MTA3: variants seen among roughly 807,000 people sequenced by gnomAD.
MTA3 encodes the protein metastasis-associated protein MTA3.
Under a neutral mutation model 83.5 loss-of-function variants are expected in MTA3, and 34 were observed. The ratio of observed to expected loss-of-function variants is 0.41; its 90% CI spans 0.31 to 0.54. The LOEUF is 0.54. Ranked by LOEUF, MTA3 falls within the 20% of genes least tolerant of loss-of-function variation. The pLI is 0.33. For missense variants in MTA3, 761 were observed against 726.4 expected, an observed-to-expected ratio of 1.05 and a Z score of -0.55; for synonymous variants, 303 against 252.7, an observed-to-expected ratio of 1.20 and a Z score of -1.89.
intron 3 of MTA3, among the ~76,000 whole-genome samples, chr2:42,605,902 C>T (rs1376746378): frequency 1.1e-4 from 11 of 104,456 alleles, no homozygotes; most frequent in East Asian, 9.2e-4. Flanking sequence ...TCCTCACTTC[C>T]CAGTAGGGGC....
rs371329740 is a variant in MTA3, at chr2:42,716,973, C to CCT, written c.1526-2014_1526-2013dup. The stretch of plus-strand genomic sequence containing the variant: ...GTATAGCATTTCTTTTTCTCTTCAA[C>CCT]CTGTTTTCTCTGCCAGCATCTGTTA... On this transcript the variant is annotated intron_variant, in intron 14 of 16. Coordinates refer to ENST00000405094, the MANE Select transcript of MTA3 (RefSeq NM_001330442.2). Among the ~76,000 whole-genome samples the CCT allele has an allele frequency of 3.9e-3, 592 of 152,234 alleles. 4 individuals carry two copies. The highest frequency in any genetic ancestry group is 0.013 in the African/African-American group (526 of 41,540).
At chr2:42,634,103 G>A (rs963981284) in intron 4 of MTA3, among the ~76,000 whole-genome samples, 2 of 152,066 alleles carry the variant, frequency 1.3e-5, no homozygotes, top group African/African-American at 4.8e-5. Flanking sequence ...AGAGGCCAGG[G>A]ATGCTGCTCA....
At position 42,708,929 on chromosome 2, in the gene MTA3, G is replaced by A. The variant is rs749519476; in HGVS notation, c.1358G>A (p.Arg453Gln). The change falls in exon 14 of 17, where the codon CGA (arginine) becomes CAA (glutamine). Residue 453 changes from arginine to glutamine, a missense_variant. Arg to Gln is a conservative substitution (Grantham distance 43, BLOSUM62 1). Transcript: ENST00000405094. ...SRQAMQGMPV[R>Q]NTGSPKSAVK... ...CAGGCCATGCAGGGAATGCCAGTCC[G>A]AAACACTGGGAGTCCAAAGTCTGCA... 18 of 1,613,980 alleles carry A rather than the reference G, an allele frequency of 1.1e-5. No individual in the cohort carries two copies. Among genetic ancestry groups the A allele is most frequent in the East Asian group, 8.9e-5 (4 of 44,872 alleles).
At chr2:42,558,701 C>T (rs1313951005) in intron 2 of MTA3, among the ~76,000 whole-genome samples, 1 of 151,478 alleles carries the variant, frequency 6.6e-6, no homozygotes. Context: ...GCACACGCTG[C>T]CACGCCCCGC....
intron 16 of MTA3, among the ~76,000 whole-genome samples, chr2:42,730,952 G>A (rs1450991551): frequency 1.3e-5 from 2 of 152,070 alleles, no homozygotes; most frequent in Non-Finnish European, 2.9e-5. Flanking sequence ...TATGTGTCTA[G>A]GAATGTATCC....
At chr2:42,528,067 G>T (rs1169009511) in intron 2 of MTA3, among the ~76,000 whole-genome samples, 1 of 152,106 alleles carries the variant, frequency 6.6e-6, no homozygotes, top group Non-Finnish European at 1.5e-5. Flanking sequence ...TGGGACTACA[G>T]GCACGTGCCA....
At chr2:42,714,716 C>G (rs1666900599) in intron 14 of MTA3, among the ~76,000 whole-genome samples, 1 of 152,152 alleles carries the variant, frequency 6.6e-6, no homozygotes, top group Non-Finnish European at 1.5e-5. Flanking sequence ...TTTTCATGAA[C>G]TGGGTGGTGT....
chr2:42,558,394 G>A (rs1677500462), intron 2 of MTA3, among the ~76,000 whole-genome samples: 1 of 150,644 alleles, frequency 6.6e-6, no homozygotes, highest in Admixed American at 6.6e-5. Context: ...GGGACTAAAG[G>A]CATGTGCCAC....
intron 16 of MTA3, among the ~76,000 whole-genome samples, chr2:42,747,685 T>C (rs919106424): frequency 2.0e-5 from 3 of 151,894 alleles, no homozygotes; most frequent in African/African-American, 7.2e-5. Flanking sequence ...AAACAGAATC[T>C]CTCTCTTTGA....
At chr2:42,600,229 TTGTGG>T (rs1351929689) in intron 3 of MTA3, among the ~76,000 whole-genome samples, 1 of 151,946 alleles carries the variant, frequency 6.6e-6, no homozygotes, top group Non-Finnish European at 1.5e-5. Context: ...AAAAACTTGC[TTGTGG>T]TTGTCTGTCT....
chr2:42,685,492 C>A (rs1009379827), intron 9 of MTA3, among the ~76,000 whole-genome samples: 1 of 152,200 alleles, frequency 6.6e-6, no homozygotes, highest in Non-Finnish European at 1.5e-5. Flanking sequence ...TAACACTCTA[C>A]CTGTGGCTCC....
At chr2:42,666,115 A>C (rs1690209096) in intron 8 of MTA3, among the ~76,000 whole-genome samples, 2 of 152,112 alleles carry the variant, frequency 1.3e-5, no homozygotes, top group South Asian at 4.1e-4. Flanking sequence ...GTCTCTACTA[A>C]AAATACAAAA....
At chr2:42,739,720 C>G (rs529918652) in intron 16 of MTA3, among the ~76,000 whole-genome samples, 1 of 152,320 alleles carries the variant, frequency 6.6e-6, no homozygotes, top group African/African-American at 2.4e-5. Flanking sequence ...AGAGTCAATC[C>G]TCTCAAACTC....
chr2:42,515,909 C>T (rs1350270669), intron 2 of MTA3, among the ~76,000 whole-genome samples: 8 of 149,120 alleles, frequency 5.4e-5, no homozygotes, highest in Non-Finnish European at 5.9e-5. Context: ...GGTGCGATCT[C>T]GGCTCACTGC....
chr2:42,640,077 C>A, intron 4 of MTA3, 96 bp from the exon 5 acceptor site: 1 of 874,126 alleles, frequency 1.1e-6, no homozygotes, highest in East Asian at 2.7e-5. Context: ...CATGTAGTTT[C>A]TTAATACCAG....
rs1254695040 is a variant in MTA3, at chr2:42,723,032, G to A, written c.1756G>A (p.Asp586Asn). ...AAACTACAGTCATCACAATGGTCTG[G>A]ATGGTATGTAAGCCCAGGAATTCTG... Reference protein sequence around the residue: ...KRNYSHHNGLDELTCCVSD With the variant: ...KRNYSHHNGLNELTCCVSD The change falls in exon 16 of 17, where the codon GAT (aspartate) becomes AAT (asparagine). Residue 586 changes from aspartate to asparagine, a missense_variant. Asp to Asn is a conservative substitution (Grantham distance 23, BLOSUM62 1). Coordinates refer to ENST00000405094, the MANE Select transcript of MTA3 (RefSeq NM_001330442.2). 15 of 1,550,560 alleles carry A rather than the reference G, an allele frequency of 9.7e-6. No homozygotes were observed. In the South Asian group the frequency reaches 1.8e-4, roughly 18 times the overall value.
chr2:42,662,075 C>T (rs147851827), intron 8 of MTA3, among the ~76,000 whole-genome samples: 202 of 152,142 alleles, frequency 1.3e-3, no homozygotes, highest in Middle Eastern at 6.8e-3. Context: ...GCCATTTGCC[C>T]ATTATTGAGA....
intron 14 of MTA3, chr2:42,712,806 G>A (rs1004603348): frequency 6.6e-6 from 1 of 151,906 alleles, no homozygotes; most frequent in African/African-American, 2.4e-5. Context: ...ATGGCCCTGA[G>A]CAAGGATGAC....
intron 3 of MTA3, among the ~76,000 whole-genome samples, chr2:42,599,484 G>A (rs1251702423): frequency 6.6e-6 from 1 of 152,010 alleles, no homozygotes; most frequent in Non-Finnish European, 1.5e-5. Context: ...CAGCTACTCA[G>A]GAGGGTGAGG....
Sources: gnomAD v4.1 joint callset for allele counts (sites outside exome capture counted in the v4.1 genomes callset) on GRCh38, gnomAD v4.1.1 for gene constraint, MANE v1.5 for transcripts, NCBI Gene and HGNC (gene_info 2026-07-23, HGNC 2026-07-21) for gene names.